The following ATP11A variants were observed in gnomAD, a reference collection of about 807,000 sequenced individuals.
The protein encoded by ATP11A is ATPase phospholipid transporting 11A.
In ATP11A, 81 loss-of-function variants were observed where a neutral mutation model predicts 154.4. That is an observed-to-expected ratio of 0.52 (90% CI 0.44 to 0.63). The LOEUF is 0.63. Ranked by LOEUF, ATP11A falls within the 30% of genes least tolerant of loss-of-function variation. The pLI, the probability that ATP11A is intolerant of heterozygous loss-of-function variation, is 0.00. For synonymous variants in ATP11A, 623 were observed against 585.9 expected, an observed-to-expected ratio of 1.06 and a Z score of -0.91; for missense variants, 1,316 against 1,474.3, an observed-to-expected ratio of 0.89 and a Z score of 1.76.
chr13:112,868,570 A>C (rs1440857570), intron 25 of ATP11A, among the ~76,000 whole-genome samples: 1 of 152,146 alleles, frequency 6.6e-6, no homozygotes, highest in Admixed American at 6.5e-5. Flanking sequence ...GAAATCAGAA[A>C]CAGGAGCTTC....
intron 5 of ATP11A, among the ~76,000 whole-genome samples, chr13:112,815,445 A>G (rs549411874): frequency 2.6e-5 from 4 of 151,186 alleles, no homozygotes; most frequent in Non-Finnish European, 4.4e-5. Context: ...CAGATCTGCA[A>G]TGCCTTCCTC....
chr13:112,815,971 C>T, intron 5 of ATP11A, 112 bp from the exon 6 acceptor site: 2 of 1,441,264 alleles, frequency 1.4e-6, no homozygotes, highest in Non-Finnish European at 9.5e-7. Context: ...GTGTCCACAT[C>T]CCCGTGTCTT....
chr13:112,793,815 G>A (rs542724711), intron 2 of ATP11A, among the ~76,000 whole-genome samples: 2 of 152,346 alleles, frequency 1.3e-5, no homozygotes, highest in South Asian at 2.1e-4. Flanking sequence ...GCCCGGGTTC[G>A]TCTCGCAGCC....
intron 1 of ATP11A, among the ~76,000 whole-genome samples, chr13:112,768,004 G>A (rs962220344): frequency 3.3e-5 from 5 of 152,330 alleles, no homozygotes; most frequent in South Asian, 4.1e-4. Context: ...TCTCTGGCCT[G>A]GCTTGGTGGT....
Position 112,817,653 on chromosome 13 carries a change from G to A in ATP11A, c.570+1442G>A, listed in dbSNP as rs531149530. On this transcript the variant is annotated intron_variant, in intron 6 of 29. Coordinates refer to ENST00000375645, the MANE Select transcript of ATP11A (RefSeq NM_015205.3). Reference sequence around the variant, plus strand: ...ACTGTGGCTGGTCAGGCTCAGATGAGTCCCAGCCATGCTAGTGAACAGATG... The same window carrying A: ...ACTGTGGCTGGTCAGGCTCAGATGAATCCCAGCCATGCTAGTGAACAGATG... Among the ~76,000 whole-genome samples, 2 of 152,186 alleles carry A rather than the reference G, an allele frequency of 1.3e-5. 1 individual carries two copies. The highest frequency in any genetic ancestry group is 6.3e-3 in the Middle Eastern group (2 of 316).
intron 5 of ATP11A, among the ~76,000 whole-genome samples, chr13:112,814,797 C>T (rs1302505653): frequency 2.0e-5 from 3 of 152,216 alleles, no homozygotes; most frequent in African/African-American, 4.8e-5. Context: ...ATTCCTTCCC[C>T]CTCAATCTTC....
At position 112,855,971 on chromosome 13, in the gene ATP11A, A is replaced by G. The variant is rs952898912; in HGVS notation, c.2304A>G (p.Ile768Met). The change falls in exon 20 of 30, where the codon ATA (isoleucine) becomes ATG (methionine). Residue 768 changes from isoleucine to methionine, a missense_variant. Coordinates refer to ENST00000375645, the MANE Select transcript of ATP11A (RefSeq NM_015205.3). ...TCGACGGAGCTGCACTGTCTCTGAT[A>G]ATGAAGCCTCGAGAAGACGGGAGTT... is the stretch of plus-strand genomic sequence containing the variant. ...LIIDGAALSL[I>M]MKPREDGSSG... The G allele has an allele frequency of 6.2e-6, 10 of 1,614,216 alleles. No homozygotes were observed. Among genetic ancestry groups the G allele is most frequent in the Non-Finnish European group, 8.5e-6 (10 of 1,180,026 alleles).
chr13:112,723,743 A>G (rs1300539687), intron 1 of ATP11A, among the ~76,000 whole-genome samples: 2 of 152,100 alleles, frequency 1.3e-5, no homozygotes, highest in Non-Finnish European at 2.9e-5. Flanking sequence ...GGATCCATTC[A>G]GTCGGAAGGG....
Position 112,886,199 on chromosome 13 carries a change from G to C in ATP11A, c.*4333G>C, listed in dbSNP as rs1226473757. ...CGTCTCGAGGGAGGAGGCCAGATGC[G>C]GCCAGCGTCTCCAACAGGGTGACCA... On this transcript the variant is annotated 3_prime_UTR_variant, in exon 30 of 30. Transcript: ENST00000375645. The C allele has an allele frequency of 6.6e-6, 1 of 152,264 alleles. No individual in the cohort carries two copies. The highest frequency in any genetic ancestry group is 1.5e-5 in the Non-Finnish European group (1 of 68,058). The allele number at this position is 152,264 out of a possible 1,614,324, so 9.4% of individuals were successfully genotyped here. A position where few individuals can be genotyped will look rare whatever the true frequency, so the allele number is the denominator to read the frequency against.
chr13:112,839,722 C>A (rs2079341159), intron 16 of ATP11A, among the ~76,000 whole-genome samples: 1 of 152,152 alleles, frequency 6.6e-6, no homozygotes, highest in Admixed American at 6.5e-5. Flanking sequence ...CTGTTCCTCA[C>A]CAAGTCTTCA....
In ATP11A at chr13:112,690,056, G is replaced by T. The variant is rs977239528; in HGVS notation, c.-361G>T. Among the ~76,000 whole-genome samples the T allele has an allele frequency of 1.3e-5, 2 of 148,738 alleles. No homozygotes were observed. Among genetic ancestry groups the T allele is most frequent in the African/African-American group, 4.9e-5 (2 of 41,122 alleles). ...AGGCTCCAGAGGGCGGCGGGCAGGG[G>T]AGGAGGAGACTCGGGAGGAGCAGAG... On this transcript the variant is annotated 5_prime_UTR_variant, in exon 1 of 30. Transcript: ENST00000375645. The surrounding 1 kb of genome is among the most constrained non-coding windows in gnomAD (Gnocchi z 5.6).
At chr13:112,699,462 T>C (rs1292086756) in intron 1 of ATP11A, among the ~76,000 whole-genome samples, 1 of 152,198 alleles carries the variant, frequency 6.6e-6, no homozygotes, top group Non-Finnish European at 1.5e-5. Flanking sequence ...TCACACATCA[T>C]TTGGTATCAA....
intron 28 of ATP11A, 82 bp downstream of exon 28, chr13:112,876,023 G>T (rs1336841503): frequency 3.4e-6 from 5 of 1,487,466 alleles, no homozygotes; most frequent in Admixed American, 1.9e-5. Flanking sequence ...GAAAGACAGT[G>T]TGAAAGGTTT....
Position 112,882,174 on chromosome 13 carries a change from G to C in ATP11A, c.*308G>C. ...TCGAGCATGGCACCCTGGCCGCCTG[G>C]ACCCAGCACTGTGGTTGTTGAGCCA... On this transcript the variant is annotated 3_prime_UTR_variant, in exon 30 of 30. Coordinates refer to ENST00000375645, the MANE Select transcript of ATP11A (RefSeq NM_015205.3). This position sits in a 1 kb window ranked among gnomAD's most constrained non-coding sequence, Gnocchi z 5.1. 3.2e-6 allele frequency: 4 copies of C among 1,266,702 alleles called. No homozygotes were observed. Among genetic ancestry groups the C allele is most frequent in the Non-Finnish European group, 4.1e-6 (4 of 965,868 alleles). 78.5% of individuals were successfully genotyped at this position (1,266,702 alleles called of 1,614,324 possible).
intron 17 of ATP11A, 126 bp from the exon 18 acceptor site, chr13:112,850,911 T>C (rs999891729): frequency 3.6e-6 from 3 of 836,492 alleles, no homozygotes; most frequent in Admixed American, 2.4e-5. Flanking sequence ...CTGTAAGTTT[T>C]GAAAGGGTTA....
chr13:112,810,425 C>T (rs1043555983), intron 4 of ATP11A, among the ~76,000 whole-genome samples, 194 bp from the exon 5 acceptor site: 22 of 152,300 alleles, frequency 1.4e-4, no homozygotes, highest in African/African-American at 4.8e-4. Flanking sequence ...TAAAGCAGCT[C>T]GCGTTGCCAT....
rs1421490581 is a variant in ATP11A at position 112,788,861 on chromosome 13, CCCGG to C, written c.162+3606_162+3609del. On this transcript the variant is annotated intron_variant, in intron 2 of 29. Coordinates refer to ENST00000375645, the MANE Select transcript of ATP11A (RefSeq NM_015205.3). ...CCTGTGGCGACCTACTTAATTCACA[CCCGG>C]CATCCTGACGTGTAGACTCCTATGT... Among the ~76,000 whole-genome samples, 450 of 151,644 alleles carry C rather than the reference CCCGG, an allele frequency of 3.0e-3. 6 individuals carry two copies. The highest frequency in any genetic ancestry group is 0.011 in the African/African-American group (438 of 41,270).
chr13:112,804,855 A>T, intron 2 of ATP11A, 102 bp from the exon 3 acceptor site: 4 of 636,200 alleles, frequency 6.3e-6, no homozygotes, highest in Non-Finnish European at 1.0e-5. Flanking sequence ...AAAGCTAAAC[A>T]TTTTGTACTG....
intron 2 of ATP11A, among the ~76,000 whole-genome samples, chr13:112,797,676 A>C (rs1000947861): frequency 2.6e-5 from 4 of 152,230 alleles, no homozygotes; most frequent in Non-Finnish European, 5.9e-5. Flanking sequence ...TATCTCATAA[A>C]ATTATCCTTC....
Sources: gnomAD v4.1 joint callset for allele counts (sites outside exome capture counted in the v4.1 genomes callset) on GRCh38, gnomAD v4.1.1 for gene constraint, Gnocchi (gnomAD v3.1) non-coding constraint, MANE v1.5 for transcripts, NCBI Gene and HGNC (gene_info 2026-07-23, HGNC 2026-07-21) for gene names.